LCMT1: variants seen among roughly 807,000 people sequenced by gnomAD.
LCMT1 encodes [Phosphatase 2A protein]-leucine-carboxy methyltransferase 1.
In LCMT1, 32 loss-of-function variants were observed where a neutral mutation model predicts 47.7. The ratio of observed to expected loss-of-function variants is 0.67; its 90% CI spans 0.51 to 0.90. The LOEUF is 0.90. Ranked by LOEUF, LCMT1 falls within the 40% of genes least tolerant of loss-of-function variation. LCMT1 has a pLI of 0.00. For missense variants in LCMT1, 375 were observed against 415.2 expected, an observed-to-expected ratio of 0.90 and a Z score of 0.84; for synonymous variants, 152 against 149.7, an observed-to-expected ratio of 1.02 and a Z score of -0.11.
intron 1 of LCMT1, among the ~76,000 whole-genome samples, chr16:25,120,166 A>G (rs1959924176): frequency 6.6e-6 from 1 of 151,406 alleles, no homozygotes; most frequent in Non-Finnish European, 1.5e-5. Context: ...TCTGAAAAAA[A>G]TATTTAAAAA....
At chr16:25,116,077 T>C (rs930779379) in intron 1 of LCMT1, among the ~76,000 whole-genome samples, 9 of 152,278 alleles carry the variant, frequency 5.9e-5, no homozygotes, top group Middle Eastern at 3.4e-3. Flanking sequence ...AAGCTGGGTT[T>C]ATTACTTGTT....
intron 5 of LCMT1, among the ~76,000 whole-genome samples, chr16:25,160,218 A>G (rs531707048): frequency 6.6e-6 from 1 of 152,310 alleles, no homozygotes; most frequent in African/African-American, 2.4e-5. Context: ...AAGTGTTGGG[A>G]TTACAGGCGT....
chr16:25,123,629 A>T (rs1483213362), intron 1 of LCMT1, among the ~76,000 whole-genome samples: 1 of 99,566 alleles, frequency 1.0e-5, no homozygotes, highest in Admixed American at 1.4e-4. Context: ...TTTTTTTGAG[A>T]CGGAGTCTTG....
intron 5 of LCMT1, among the ~76,000 whole-genome samples, chr16:25,154,489 CTTTT>C (rs748304475): frequency 2.4e-5 from 3 of 123,752 alleles, no homozygotes; most frequent in African/African-American, 6.1e-5. Flanking sequence ...TGGATGTGTT[CTTTT>C]TTTTTTTTTT....
intron 10 of LCMT1, among the ~76,000 whole-genome samples, chr16:25,177,284 A>G (rs1193260815): frequency 2.6e-5 from 4 of 152,230 alleles, no homozygotes; most frequent in Non-Finnish European, 4.4e-5. Context: ...TCTAAAAAGT[A>G]TGACTAAGAA....
At chr16:25,146,689 C>T (rs541980743) in intron 4 of LCMT1, 3 of 152,364 alleles carry the variant, frequency 2.0e-5, no homozygotes, top group South Asian at 2.1e-4. Context: ...TCTGTAATTT[C>T]CTTCTAATGT....
intron 1 of LCMT1, among the ~76,000 whole-genome samples, chr16:25,126,324 AG>A (rs768377676): frequency 2.2e-4 from 34 of 152,356 alleles, no homozygotes; most frequent in Non-Finnish European, 3.8e-4. Context: ...CCTCCTCCCC[AG>A]TTTCTTACTG....
chr16:25,169,817 G>T (rs1286294214), intron 8 of LCMT1, among the ~76,000 whole-genome samples: 1 of 152,090 alleles, frequency 6.6e-6, no homozygotes, highest in Non-Finnish European at 1.5e-5. Flanking sequence ...CTTTGCAGAT[G>T]ATTGATATGT....
In LCMT1 at chr16:25,169,229, C is replaced by A. The variant is rs752385200; in HGVS notation, c.792+16C>A. ...AGAGTCACAGGTCAGAGAGCAGGGA[C>A]TGGGATATCCATTTGGACCCTTAGT... On this transcript the variant is annotated intron_variant, in intron 8 of 10. Coordinates refer to ENST00000399069, the MANE Select transcript of LCMT1 (RefSeq NM_016309.3). 6.6e-7 allele frequency: 1 copy of A among 1,524,588 alleles called. No individual in the cohort carries two copies. Among genetic ancestry groups the A allele is most frequent in the South Asian group, 1.1e-5 (1 of 89,208 alleles). 94.4% of individuals were successfully genotyped at this position (1,524,588 alleles called of 1,614,324 possible).
intron 4 of LCMT1, chr16:25,147,903 C>T (rs1232589625): frequency 6.6e-6 from 1 of 152,172 alleles, no homozygotes; most frequent in Non-Finnish European, 1.5e-5. Context: ...GTTTCCCAGG[C>T]TGGAGTTTCT....
At chr16:25,142,824 C>A (rs1282806415) in intron 4 of LCMT1, 1 of 152,204 alleles carries the variant, frequency 6.6e-6, no homozygotes, top group African/African-American at 2.4e-5. Context: ...AATTGGCTCT[C>A]CTGAATTTGA....
At chr16:25,158,749 C>A (rs1961335453) in intron 5 of LCMT1, 1 of 152,246 alleles carries the variant, frequency 6.6e-6, no homozygotes, top group Non-Finnish European at 1.5e-5. Flanking sequence ...ATAAAGCATC[C>A]TTCAAGGACA....
intron 4 of LCMT1, among the ~76,000 whole-genome samples, chr16:25,150,385 C>T (rs1384005491): frequency 4.2e-5 from 5 of 118,320 alleles, no homozygotes; most frequent in African/African-American, 6.7e-5. Context: ...GCTCTTGTTG[C>T]CCAGGCTGGA....
intron 4 of LCMT1, chr16:25,145,383 G>C (rs1226310004): frequency 1.3e-5 from 2 of 152,226 alleles, no homozygotes; most frequent in Admixed American, 6.5e-5. Context: ...TCCCAAAAAG[G>C]TGGGGGCCTT....
At chr16:25,164,004 G>A (rs1189258796) in intron 6 of LCMT1, among the ~76,000 whole-genome samples, 1 of 152,134 alleles carries the variant, frequency 6.6e-6, no homozygotes, top group East Asian at 1.9e-4. Context: ...GTTCAGTCAG[G>A]TGGACAGTGG....
rs1017914389 is a variant in LCMT1 at position 25,175,580 on chromosome 16, C to T, written c.982+546C>T. On this transcript the variant is annotated intron_variant, in intron 10 of 10. Coordinates refer to ENST00000399069, the MANE Select transcript of LCMT1 (RefSeq NM_016309.3). ...CTGGGAGGTGGAGGTTGCAGTGAGC[C>T]GAGACTGCACCATTGCACTCCAGCC... 5.9e-5 allele frequency among the ~76,000 whole-genome samples: 9 copies of T among 151,944 alleles called. No individual in the cohort carries two copies. In the South Asian group the frequency reaches 6.2e-4, roughly 11 times the overall value.
intron 1 of LCMT1, 86 bp downstream of exon 1, chr16:25,112,082 A>G (rs1959638099): frequency 1.1e-6 from 1 of 885,826 alleles, no homozygotes. Context: ...AATACGCTCA[A>G]GGCTGGCAGG....
chr16:25,121,201 G>A lies in LCMT1; in HGVS notation c.114-7274G>A, dbSNP rs575182861. Among the ~76,000 whole-genome samples, 9 of 152,064 alleles carry A rather than the reference G, an allele frequency of 5.9e-5. No homozygotes were observed. In the East Asian group the frequency reaches 1.6e-3, roughly 26 times the overall value. ...CCAGCACTTTGGGAGGCCGAGGCAG[G>A]TGGATTGAGACCATCCTGGCCAACA... On this transcript the variant is annotated intron_variant, in intron 1 of 10. Coordinates refer to ENST00000399069, the MANE Select transcript of LCMT1 (RefSeq NM_016309.3).
chr16:25,120,709 G>A (rs1277666746), intron 1 of LCMT1, among the ~76,000 whole-genome samples: 33 of 148,514 alleles, frequency 2.2e-4, no homozygotes, highest in East Asian at 1.2e-3. Flanking sequence ...GATTACAGGC[G>A]TGAGACACCG....
Sources: gnomAD v4.1 joint callset for allele counts (sites outside exome capture counted in the v4.1 genomes callset) on GRCh38, gnomAD v4.1.1 for gene constraint, MANE v1.5 for transcripts, NCBI Gene and HGNC (gene_info 2026-07-23, HGNC 2026-07-21) for gene names.